The following SEL1L3 variants were observed in gnomAD, a reference collection of about 807,000 sequenced individuals.
SEL1L3 encodes the protein SEL1L family member 3.
Under a neutral mutation model 142.8 loss-of-function variants are expected in SEL1L3, and 76 were observed. The ratio of observed to expected loss-of-function variants is 0.53; its 90% confidence interval spans 0.44 to 0.64. The LOEUF is 0.64. SEL1L3 is among the 30% of genes least tolerant of loss of function. The probability of loss-of-function intolerance (pLI) is 0.00; values close to 1 mark genes in which losing one functional copy is unlikely to be tolerated. For missense variants in SEL1L3, 1,262 were observed against 1,381.7 expected (o/e 0.91, Z 1.37); for synonymous variants, 504 against 519.6 (o/e 0.97, Z 0.41).
chr4:25,812,251 A>G (rs895492758), intron 9 of SEL1L3, among the ~76,000 whole-genome samples: 5 of 152,112 alleles, frequency 3.3e-5, no homozygotes, highest in African/African-American at 1.2e-4. Context: ...TGCCTGGCAA[A>G]CAGCTGTTAT....
intron 2 of SEL1L3, among the ~76,000 whole-genome samples, chr4:25,846,276 C>G (rs1269087690): frequency 6.6e-6 from 1 of 152,152 alleles, no homozygotes; most frequent in Non-Finnish European, 1.5e-5. Flanking sequence ...CTTGGAGCCT[C>G]CGGGATTGGT....
chr4:25,732,484 T>G, the SEL1L3 span, among the ~76,000 whole-genome samples: 1 of 152,190 alleles, frequency 6.6e-6, no homozygotes, highest in Admixed American at 6.5e-5. Context: ...GAGTTCCAGT[T>G]GTTTTAAGTC....
At chr4:25,753,051 A>G (rs948623924) in intron 23 of SEL1L3, among the ~76,000 whole-genome samples, 5 of 152,248 alleles carry the variant, frequency 3.3e-5, no homozygotes, top group African/African-American at 7.2e-5. Flanking sequence ...CCTTTGCCCA[A>G]GGTCACATAG....
chr4:25,824,056 T>C (rs868374070), intron 6 of SEL1L3, among the ~76,000 whole-genome samples: 40 of 152,222 alleles, frequency 2.6e-4, no homozygotes, highest in African/African-American at 9.2e-4. Flanking sequence ...CTTCAGCTCC[T>C]GATATTTTTC....
chr4:25,763,543 A>T (rs888194639), intron 20 of SEL1L3, among the ~76,000 whole-genome samples: 2 of 152,188 alleles, frequency 1.3e-5, no homozygotes, highest in Non-Finnish European at 2.9e-5. Context: ...CATTAAAAAA[A>T]TAAAATAAAA....
At chr4:25,840,691 T>A (rs765332965) in intron 2 of SEL1L3, among the ~76,000 whole-genome samples, 4 of 152,234 alleles carry the variant, frequency 2.6e-5, no homozygotes, top group African/African-American at 7.2e-5. Context: ...GAATTGCCCA[T>A]GTCACACCTG....
At chr4:25,831,904 T>C (rs1007567096) in intron 5 of SEL1L3, among the ~76,000 whole-genome samples, 11 of 152,218 alleles carry the variant, frequency 7.2e-5, no homozygotes, top group Admixed American at 7.2e-4. Flanking sequence ...AACTCGAGCA[T>C]AGTGCCTTGC....
At chr4:25,733,776 A>C in the SEL1L3 span, among the ~76,000 whole-genome samples, 1 of 152,028 alleles carries the variant, frequency 6.6e-6, no homozygotes, top group Non-Finnish European at 1.5e-5. Context: ...CGGCCTCCCA[A>C]AGTTCTGGGA....
At chr4:25,823,721 A>G (rs1466411086) in intron 6 of SEL1L3, among the ~76,000 whole-genome samples, 2 of 152,100 alleles carry the variant, frequency 1.3e-5, no homozygotes, top group African/African-American at 4.8e-5. Context: ...GGCAGATGGA[A>G]GCAGAGGGAA....
intron 1 of SEL1L3, among the ~76,000 whole-genome samples, chr4:25,852,602 T>G (rs1716979711): frequency 6.6e-6 from 1 of 152,208 alleles, no homozygotes; most frequent in Non-Finnish European, 1.5e-5. Flanking sequence ...TCCAAAGCAA[T>G]GCCCCGAATG....
At position 25,788,280 on chromosome 4, in the gene SEL1L3, C is replaced by A. The variant is rs767645920; in HGVS notation, c.2161G>T (p.Ala721Ser). ...AACGCAGGATCCTCCGTCTCCAGGG[C>A]GCCCTTGGCGTACCACTCAATTGCT... ...EAAIEWYAKG[A>S]LETEDPALIY... Residue 721 changes from alanine (A) to serine (S), a missense_variant, in exon 13 of 24, where the codon GCC (alanine) becomes TCC (serine). Ala to Ser is a moderately conservative substitution (Grantham distance 99). Transcript: ENST00000399878. The surrounding 1 kb of genome is among the most constrained non-coding windows in gnomAD (Gnocchi z 5.3). The A allele has an allele frequency of 3.1e-6, 5 of 1,613,820 alleles. No homozygotes were observed. The highest frequency in any genetic ancestry group is 2.5e-6 in the Non-Finnish European group (3 of 1,179,868).
At chr4:25,848,368 A>G (rs764309865) in intron 1 of SEL1L3, among the ~76,000 whole-genome samples, 10 of 152,230 alleles carry the variant, frequency 6.6e-5, no homozygotes, top group Non-Finnish European at 1.3e-4. Context: ...TTTCTCCCAT[A>G]AGTTTGAAGC....
At chr4:25,842,711 G>A (rs922805512) in intron 2 of SEL1L3, among the ~76,000 whole-genome samples, 4 of 152,238 alleles carry the variant, frequency 2.6e-5, no homozygotes, top group Non-Finnish European at 4.4e-5. Context: ...TCTTGGTTAA[G>A]AGCATTCATT....
chr4:25,796,476 AAAAAT>A (rs1241676440), intron 11 of SEL1L3, among the ~76,000 whole-genome samples: 13 of 152,250 alleles, frequency 8.5e-5, no homozygotes, highest in African/African-American at 3.1e-4. Context: ...TAAAATTTTA[AAAAAT>A]AAAATAAAGA....
intron 1 of SEL1L3, among the ~76,000 whole-genome samples, chr4:25,850,933 C>T (rs931587226): frequency 3.9e-5 from 6 of 152,034 alleles, no homozygotes; most frequent in African/African-American, 1.2e-4. Context: ...TCACTGCAAC[C>T]TCTGCCGCCC....
chr4:25,845,935 C>T (rs150356963), intron 2 of SEL1L3, among the ~76,000 whole-genome samples: 46 of 152,232 alleles, frequency 3.0e-4, no homozygotes, highest in African/African-American at 1.1e-3. Flanking sequence ...GCATTAGAGT[C>T]GTGAGGAAGG....
the SEL1L3 span, among the ~76,000 whole-genome samples, chr4:25,739,711 A>C: frequency 6.8e-6 from 1 of 146,084 alleles, no homozygotes; most frequent in South Asian, 2.1e-4. Context: ...GTCAAAAAAA[A>C]ACAAAAAACA....
rs1239967320 is a variant in SEL1L3, at chr4:25,833,095, T to C, written c.998A>G (p.Gln333Arg). Residue 333 changes from glutamine (Q) to arginine (R), a missense_variant, in exon 5 of 24, where the codon CAG becomes CGG. Gln to Arg is a conservative substitution (Grantham distance 43, BLOSUM62 1). This residue lies in a region of SEL1L3 where 689 missense variants were observed against 692.8 expected (regional missense o/e 0.99). Coordinates refer to ENST00000399878, the MANE Select transcript of SEL1L3 (RefSeq NM_015187.5). ...FLTEEGYLHIQMHLVKGEDLA... is the reference protein window; with the variant it reads ...FLTEEGYLHIRMHLVKGEDLA... ...GTCTTCCCCTTTGACAAGATGCATC[T>C]GAATATGCAAATAGCCTAAAAGGAA... 19 of 1,596,178 alleles carry C rather than the reference T, an allele frequency of 1.2e-5. No homozygotes were observed. The highest frequency in any genetic ancestry group is 3.3e-5 in the Admixed American group (2 of 59,978).
chr4:25,742,563 T>C (rs1004228509), downstream of SEL1L3, among the ~76,000 whole-genome samples: 1 of 152,202 alleles, frequency 6.6e-6, no homozygotes, highest in Non-Finnish European at 1.5e-5. Context: ...CTCAAAGTGC[T>C]GGGATGATAG....
Sources: gnomAD v4.1 joint callset for allele counts (sites outside exome capture counted in the v4.1 genomes callset) on GRCh38, gnomAD v4.1.1 for gene constraint, gnomAD v4.1.1 regional missense constraint, Gnocchi (gnomAD v3.1) non-coding constraint, MANE v1.5 for transcripts, NCBI Gene and HGNC (gene_info 2026-07-23, HGNC 2026-07-21) for gene names.